The following JMJD1C variants were observed in gnomAD, a reference collection of about 807,000 sequenced individuals.
JMJD1C encodes the protein jumonji domain containing 1C.
A neutral mutation model predicts 245.3 loss-of-function variants in JMJD1C; 31 were observed. The observed-to-expected ratio is 0.13, with a 90% CI of 0.09 to 0.17. The LOEUF (loss-of-function observed/expected upper bound fraction) is 0.17, where lower values mean the gene tolerates loss of function less well. Among genes scored for constraint, JMJD1C ranks in the 10% least tolerant of loss-of-function variants. The pLI is 1.00. For synonymous variants in JMJD1C, 1,057 were observed against 1,017.4 expected (o/e 1.04, Z -0.74); for missense variants, 2,691 against 3,000.2 (o/e 0.90, Z 2.41).
intron 1 of JMJD1C, among the ~76,000 whole-genome samples, chr10:63,422,176 T>C (rs1274008871): frequency 6.6e-6 from 1 of 152,092 alleles, no homozygotes; most frequent in Non-Finnish European, 1.5e-5. Flanking sequence ...CTTTGGAAGA[T>C]CGAGGTGGGT....
At position 63,208,773 on chromosome 10, in the gene JMJD1C, G is replaced by C; in HGVS notation, c.2896C>G (p.Pro966Ala). 4.4e-6 allele frequency: 7 copies of C among 1,590,998 alleles called. No individual in the cohort carries two copies. Among genetic ancestry groups the C allele is most frequent in the Non-Finnish European group, 5.1e-6 (6 of 1,172,860 alleles). The change falls in exon 10 of 26, where the codon CCA (proline) becomes GCA (alanine). Residue 966 changes from proline (P) to alanine (A), a missense_variant. Coordinates refer to ENST00000399262, the MANE Select transcript of JMJD1C (RefSeq NM_032776.3). ...EELERKAFME[P>A]LRSVASTSAK... ...GATGTGGATGCAACAGACCGTAATG[G>C]TTCCATAAAAGCTTTTCTTTCTAAT... is the stretch of plus-strand genomic sequence containing the variant.
chr10:63,364,246 C>T (rs1330260587), intron 2 of JMJD1C, among the ~76,000 whole-genome samples: 2 of 151,746 alleles, frequency 1.3e-5, no homozygotes, highest in African/African-American at 2.4e-5. Context: ...TGGGCTCAAG[C>T]GGTTCTCCCA....
chr10:63,268,026 C>G (rs370300229), intron 2 of JMJD1C, among the ~76,000 whole-genome samples: 81 of 151,942 alleles, frequency 5.3e-4, no homozygotes, highest in African/African-American at 1.9e-3. Context: ...TGTTAAAGCT[C>G]ACCATTTCAC....
intron 1 of JMJD1C, among the ~76,000 whole-genome samples, chr10:63,491,079 A>G (rs1954160114): frequency 6.6e-6 from 1 of 152,210 alleles, no homozygotes; most frequent in African/African-American, 2.4e-5. Flanking sequence ...TGGTCACACA[A>G]TTTAGTGTGT....
intron 1 of JMJD1C, among the ~76,000 whole-genome samples, chr10:63,401,924 C>T (rs779815144): frequency 2.6e-5 from 4 of 152,010 alleles, no homozygotes; most frequent in Middle Eastern, 3.2e-3. Context: ...CACCTGAGGT[C>T]GGGAGTTCGA....
At chr10:63,266,607 C>G (rs186554403) in intron 2 of JMJD1C, among the ~76,000 whole-genome samples, 53 of 152,226 alleles carry the variant, frequency 3.5e-4, no homozygotes, top group African/African-American at 1.2e-3. Flanking sequence ...CTAGAAAACA[C>G]TGGCATCTTC....
chr10:63,427,726 C>G, intron 1 of JMJD1C: 2 of 1,369,388 alleles, frequency 1.5e-6, no homozygotes, highest in Non-Finnish European at 2.1e-6. Context: ...CAGAAGTGTC[C>G]AGGAATTTGG....
At chr10:63,444,426 A>C (rs954078273) in intron 1 of JMJD1C, among the ~76,000 whole-genome samples, 2 of 151,844 alleles carry the variant, frequency 1.3e-5, no homozygotes, top group Non-Finnish European at 2.9e-5. Flanking sequence ...GGCGCATGCC[A>C]CCACACCCAT....
chr10:63,279,980 T>A (rs1857213841), intron 2 of JMJD1C, among the ~76,000 whole-genome samples: 1 of 151,302 alleles, frequency 6.6e-6, no homozygotes, highest in Non-Finnish European at 1.5e-5. Context: ...TGAAACCCTG[T>A]CTCTACTAAA....
At chr10:63,411,028 T>C (rs1214251705) in intron 1 of JMJD1C, among the ~76,000 whole-genome samples, 2 of 152,238 alleles carry the variant, frequency 1.3e-5, no homozygotes, top group Admixed American at 6.5e-5. Context: ...AATAAACTTC[T>C]GTTGTTTCCA....
At chr10:63,259,163 C>A (rs931861329) in intron 3 of JMJD1C, among the ~76,000 whole-genome samples, 5 of 152,164 alleles carry the variant, frequency 3.3e-5, no homozygotes. Flanking sequence ...CTAGTAATAT[C>A]ATATTACCCT....
chr10:63,469,152 C>T (rs1318620972), upstream of JMJD1C, among the ~76,000 whole-genome samples: 1 of 152,180 alleles, frequency 6.6e-6, no homozygotes, highest in East Asian at 1.9e-4. Flanking sequence ...ATCATCTGCT[C>T]TCATACATAC....
intron 4 of JMJD1C, among the ~76,000 whole-genome samples, chr10:63,217,966 G>A (rs1423005305): frequency 6.6e-6 from 1 of 152,002 alleles, no homozygotes; most frequent in African/African-American, 2.4e-5. Context: ...TTTATCTGCA[G>A]ATATTCAGAT....
At chr10:63,180,595 G>C (rs1291588399) in intron 22 of JMJD1C, among the ~76,000 whole-genome samples, 1 of 151,724 alleles carries the variant, frequency 6.6e-6, no homozygotes, top group Non-Finnish European at 1.5e-5. Context: ...CTTTACTCTG[G>C]TATCTTTTTG....
intron 2 of JMJD1C, among the ~76,000 whole-genome samples, chr10:63,360,697 T>TA (rs1476218543): frequency 2.0e-5 from 3 of 152,204 alleles, no homozygotes; most frequent in African/African-American, 7.2e-5. Flanking sequence ...GCTTATATTA[T>TA]AAAAAAATTA....
chr10:63,330,902 G>A (rs1589498185), intron 2 of JMJD1C, among the ~76,000 whole-genome samples: 1 of 152,046 alleles, frequency 6.6e-6, no homozygotes, highest in Non-Finnish European at 1.5e-5. Context: ...AATAATTTTA[G>A]AATCTAATCA....
chr10:63,191,085 T>G lies in JMJD1C; in HGVS notation c.6100A>C (p.Asn2034His). The change falls in exon 17 of 26, where the codon AAC becomes CAC. Residue 2034 changes from asparagine to histidine, a missense_variant. Coordinates refer to ENST00000399262, the MANE Select transcript of JMJD1C (RefSeq NM_032776.3). The stretch of plus-strand genomic sequence containing the variant: ...TGTTCTCTTTCTTCTTTAATTTGGT[T>G]TTCAAGGGTAAGTTCTTTGTTTTCT... Reference protein sequence around the residue: ...KKENKELTLENQIKEEREQDN... With the variant: ...KKENKELTLEHQIKEEREQDN... The G allele has an allele frequency of 6.2e-7, 1 of 1,613,536 alleles. No individual in the cohort carries two copies. The highest frequency in any genetic ancestry group is 8.5e-7 in the Non-Finnish European group (1 of 1,179,426).
chr10:63,320,148 C>A (rs559252102), intron 2 of JMJD1C, among the ~76,000 whole-genome samples: 1 of 152,170 alleles, frequency 6.6e-6, no homozygotes, highest in South Asian at 2.1e-4. Context: ...TCAAGTGATT[C>A]GCCTACCTCA....
intron 2 of JMJD1C, among the ~76,000 whole-genome samples, chr10:63,281,181 C>A (rs1857343752): frequency 6.8e-6 from 1 of 148,078 alleles, no homozygotes; most frequent in East Asian, 2.0e-4. Flanking sequence ...GTCGCCCACG[C>A]TGAAGTGCAG....
Sources: gnomAD v4.1 joint callset for allele counts (sites outside exome capture counted in the v4.1 genomes callset) on GRCh38, gnomAD v4.1.1 for gene constraint, MANE v1.5 for transcripts, NCBI Gene and HGNC (gene_info 2026-07-23, HGNC 2026-07-21) for gene names.